The following PRKG2 variants were observed in gnomAD, a reference collection of about 807,000 sequenced individuals.
PRKG2 encodes the protein cGMP-dependent protein kinase 2.
PRKG2 carries 33 observed loss-of-function variants against 97.2 expected under a neutral mutation model. The ratio of observed to expected loss-of-function variants is 0.34; its 90% CI spans 0.26 to 0.45. The LOEUF is 0.45. Ranked by LOEUF, PRKG2 falls within the 20% of genes least tolerant of loss-of-function variation. The pLI is 1.00. For synonymous variants in PRKG2, 330 were observed against 321.8 expected (o/e 1.03, Z -0.27); for missense variants, 638 against 900.0 (o/e 0.71, Z 3.73).
chr4:81,109,624 A>G (rs781697341), intron 15 of PRKG2, among the ~76,000 whole-genome samples: 3 of 152,198 alleles, frequency 2.0e-5, no homozygotes, highest in Non-Finnish European at 4.4e-5. Context: ...GTAAATCATA[A>G]AATAATCATA....
At chr4:81,135,373 T>G (rs577913604) in intron 13 of PRKG2, 77 bp from the exon 14 acceptor site, 1 of 1,434,016 alleles carries the variant, frequency 7.0e-7, no homozygotes, top group East Asian at 2.4e-5. Flanking sequence ...AATCAATTAT[T>G]GGATTGGCAG....
chr4:81,197,244 C>G (rs1055273515), intron 2 of PRKG2, among the ~76,000 whole-genome samples: 1 of 151,912 alleles, frequency 6.6e-6, no homozygotes, highest in African/African-American at 2.4e-5. Context: ...AAGGAATGGG[C>G]AGTGTCCAGA....
At chr4:81,095,067 A>C (rs2868134) in intron 17 of PRKG2, among the ~76,000 whole-genome samples, 34,428 of 151,984 alleles carry the variant, frequency 0.23, 6,933 homozygotes, top group African/African-American at 0.52. Flanking sequence ...AGAAGTTAGG[A>C]TCTTCCACCT....
At chr4:81,181,779 T>C (rs1751435974) in intron 2 of PRKG2, among the ~76,000 whole-genome samples, 3 of 151,968 alleles carry the variant, frequency 2.0e-5, no homozygotes, top group South Asian at 2.1e-4. Context: ...GCCAAAATAG[T>C]TGTTCATACT....
Position 81,170,325 on chromosome 4 carries a change from AT to A in PRKG2, c.743-558del, listed in dbSNP as rs982811040. Among the ~76,000 whole-genome samples the A allele has an allele frequency of 4.0e-5, 6 of 151,476 alleles. No individual in the cohort carries two copies. The East Asian group carries it at 5.8e-4, about 15-fold the overall frequency. On this transcript the variant is annotated intron_variant, in intron 4 of 18. Transcript: ENST00000264399. ...ACTATGAAAGAAAGTTTTTGAGATA[AT>A]TTTTTTTTACAGTAAAGACTTAAGG...
At position 81,135,114 on chromosome 4, in the gene PRKG2, A is replaced by G. The variant is rs375637747; in HGVS notation, c.1776+41T>C. On this transcript the variant is annotated intron_variant, in intron 14 of 18. Transcript: ENST00000264399. Reference sequence around the variant, plus strand: ...CTAGAACACAACTTTTGCCAGGGGAAATATCTCATATGAGACTGTAAGTGA... The same window carrying G: ...CTAGAACACAACTTTTGCCAGGGGAGATATCTCATATGAGACTGTAAGTGA... 79 of 1,527,192 alleles carry G rather than the reference A, an allele frequency of 5.2e-5. No individual in the cohort carries two copies. In the African/African-American group the frequency reaches 9.5e-4, roughly 18 times the overall value. The allele number at this position is 1,527,192 out of a possible 1,614,324, so 94.6% of individuals were successfully genotyped here.
chr4:81,091,935 T>C (rs1235377254), intron 18 of PRKG2, among the ~76,000 whole-genome samples: 4 of 152,306 alleles, frequency 2.6e-5, no homozygotes, highest in South Asian at 2.1e-4. Flanking sequence ...AAATTTATTA[T>C]GGAAAAATAA....
rs769303733 is a variant in PRKG2 at position 81,147,002 on chromosome 4, TCA to T, written c.1154+1880_1154+1881del. On this transcript the variant is annotated intron_variant, in intron 9 of 18. Coordinates refer to ENST00000264399, the MANE Select transcript of PRKG2 (RefSeq NM_006259.3). The stretch of plus-strand genomic sequence containing the variant: ...AAGTAAACCTAGTTATATCTGATAA[TCA>T]GTTTGTCTTATCCACAGAAAATATT... Among the ~76,000 whole-genome samples, 50 of 152,302 alleles carry T rather than the reference TCA, an allele frequency of 3.3e-4. No homozygotes were observed. In the East Asian group the frequency reaches 9.2e-3, roughly 28 times the overall value.
At chr4:81,111,145 T>C (rs895911011) in intron 14 of PRKG2, among the ~76,000 whole-genome samples, 1 of 152,068 alleles carries the variant, frequency 6.6e-6, no homozygotes, top group African/African-American at 2.4e-5. Flanking sequence ...TTAAAAACCA[T>C]CATACACAAT....
rs144753424 is a variant in PRKG2, at chr4:81,118,160, G to T, written c.1777-7549C>A. Among the ~76,000 whole-genome samples, 320 of 152,016 alleles carry T rather than the reference G, an allele frequency of 2.1e-3. 2 individuals are homozygous for T. Among genetic ancestry groups the T allele is most frequent in the Middle Eastern group, 0.017 (5 of 294 alleles). ...GCATTTTGTTTTTTCGCATCTTTTC[G>T]CGGCTTGATAACTCATTTCTTTTTA... On this transcript the variant is annotated intron_variant, in intron 14 of 18. Coordinates refer to ENST00000264399, the MANE Select transcript of PRKG2 (RefSeq NM_006259.3).
chr4:81,195,801 G>A (rs532975856), intron 2 of PRKG2, among the ~76,000 whole-genome samples: 1 of 152,184 alleles, frequency 6.6e-6, no homozygotes, highest in South Asian at 2.1e-4. Flanking sequence ...CTGCTTTTTG[G>A]CTACTATGAA....
chr4:81,201,742 T>C (rs1000400501), intron 2 of PRKG2, among the ~76,000 whole-genome samples: 3 of 152,194 alleles, frequency 2.0e-5, no homozygotes, highest in African/African-American at 7.2e-5. Flanking sequence ...CTGGCTTCTA[T>C]GGGTGCTTCA....
chr4:81,157,345 T>G (rs1749194450), intron 6 of PRKG2, among the ~76,000 whole-genome samples: 1 of 152,094 alleles, frequency 6.6e-6, no homozygotes, highest in Non-Finnish European at 1.5e-5. Flanking sequence ...ATGGATAAAT[T>G]CCTCAATACA....
intron 2 of PRKG2, among the ~76,000 whole-genome samples, chr4:81,191,415 A>C (rs1041528451): frequency 6.6e-6 from 1 of 151,950 alleles, no homozygotes; most frequent in Admixed American, 6.6e-5. Context: ...GGGGAACATC[A>C]TACACTGGGG....
intron 1 of PRKG2, among the ~76,000 whole-genome samples, chr4:81,210,718 A>T (rs1314346559): frequency 6.6e-6 from 1 of 152,188 alleles, no homozygotes. Context: ...CCCAACTGAT[A>T]TGAGACATAT....
chr4:81,140,424 C>T, intron 12 of PRKG2, 109 bp downstream of exon 12: 1 of 941,946 alleles, frequency 1.1e-6, no homozygotes, highest in Non-Finnish European at 1.4e-6. Context: ...AATATATATG[C>T]CTACTATGTA....
chr4:81,198,861 A>C (rs984407281), intron 2 of PRKG2, among the ~76,000 whole-genome samples: 4 of 152,156 alleles, frequency 2.6e-5, no homozygotes, highest in African/African-American at 9.7e-5. Context: ...CTACATGCAC[A>C]TTGTCTATCA....
chr4:81,111,457 T>C (rs1049283726), intron 14 of PRKG2, among the ~76,000 whole-genome samples: 3 of 152,004 alleles, frequency 2.0e-5, no homozygotes, highest in African/African-American at 7.2e-5. Context: ...TGATTAATAT[T>C]ATATCATGTA....
chr4:81,193,899 T>C (rs1315391863), intron 2 of PRKG2, among the ~76,000 whole-genome samples: 1 of 152,124 alleles, frequency 6.6e-6, no homozygotes, highest in African/African-American at 2.4e-5. Flanking sequence ...CCTTTACTTA[T>C]TGAAGGAGGC....
Sources: allele counts gnomAD v4.1 joint callset (sites outside exome capture counted in the v4.1 genomes callset), GRCh38; gene constraint gnomAD v4.1.1; transcripts MANE v1.5; gene names NCBI Gene and HGNC (gene_info 2026-07-23, HGNC 2026-07-21).